CAMK4: variants seen among roughly 807,000 people sequenced by gnomAD.
CAMK4 encodes the protein calcium/calmodulin-dependent protein kinase type IV.
A neutral mutation model predicts 44.9 loss-of-function variants in CAMK4; 22 were observed. The ratio of observed to expected loss-of-function variants is 0.49; its 90% CI spans 0.35 to 0.70. CAMK4 has a LOEUF of 0.70. CAMK4 is among the 30% of genes least tolerant of loss of function. The pLI is 0.01. For missense variants in CAMK4, 498 were observed against 586.8 expected, an observed-to-expected ratio of 0.85 and a Z score of 1.56; for synonymous variants, 218 against 215.4, an observed-to-expected ratio of 1.01 and a Z score of -0.11.
chr5:111,443,265 TATATATATATATATACACACAC>T (rs1165797392), intron 5 of CAMK4, among the ~76,000 whole-genome samples: 337 of 49,042 alleles, frequency 6.9e-3, no homozygotes, highest in Middle Eastern at 0.027. Context: ...TATATATATA[TATATATATATATATACACACAC>T]ACACACACAC....
At chr5:111,369,295 C>T (rs530023619) in intron 2 of CAMK4, among the ~76,000 whole-genome samples, 27 of 152,154 alleles carry the variant, frequency 1.8e-4, no homozygotes, top group Admixed American at 2.6e-4. Flanking sequence ...AAACTCCTGG[C>T]TCCAAGTGAT....
At chr5:111,281,551 G>A (rs1751018363) in intron 1 of CAMK4, among the ~76,000 whole-genome samples, 1 of 152,116 alleles carries the variant, frequency 6.6e-6, no homozygotes, top group African/African-American at 2.4e-5. Context: ...AGGAGAAAGG[G>A]GTTAAGCCTC....
chr5:111,383,557 G>GA (rs1561453269), intron 4 of CAMK4, among the ~76,000 whole-genome samples: 2 of 151,512 alleles, frequency 1.3e-5, no homozygotes, highest in Non-Finnish European at 2.9e-5. Context: ...GTTCCATGGA[G>GA]GCAGTACAGT....
chr5:111,404,185 A>G lies in CAMK4; in HGVS notation c.459+9403A>G, dbSNP rs539624924. 2.6e-4 allele frequency among the ~76,000 whole-genome samples: 39 copies of G among 152,342 alleles called. 1 individual carries two copies. Among genetic ancestry groups the G allele is most frequent in the East Asian group, 2.1e-3 (11 of 5,184 alleles). On this transcript the variant is annotated intron_variant, in intron 5 of 10. Coordinates refer to ENST00000282356, the MANE Select transcript of CAMK4 (RefSeq NM_001744.6). ...GAATATTGATGAAGACAGTCTTAACATATGCATATTGAACAAACATGCATG... is the reference window on the plus strand; with the variant it reads ...GAATATTGATGAAGACAGTCTTAACGTATGCATATTGAACAAACATGCATG...
At chr5:111,377,273 A>T (rs1295831160) in intron 4 of CAMK4, among the ~76,000 whole-genome samples, 1 of 152,120 alleles carries the variant, frequency 6.6e-6, no homozygotes, top group East Asian at 1.9e-4. Context: ...ATATCTTAAG[A>T]AAATATTTGA....
At chr5:111,448,353 G>A (rs188596298) in intron 6 of CAMK4, among the ~76,000 whole-genome samples, 17 of 152,216 alleles carry the variant, frequency 1.1e-4, no homozygotes, top group Non-Finnish European at 1.9e-4. Context: ...GTTAATTCTC[G>A]TGTCACTGAT....
At chr5:111,370,188 T>C (rs970786012) in intron 2 of CAMK4, among the ~76,000 whole-genome samples, 19 of 152,176 alleles carry the variant, frequency 1.2e-4, no homozygotes, top group African/African-American at 4.6e-4. Context: ...AAGCAAATGA[T>C]TTTACCAGAA....
At chr5:111,232,433 T>C (rs907882003) in intron 1 of CAMK4, among the ~76,000 whole-genome samples, 5 of 152,086 alleles carry the variant, frequency 3.3e-5, no homozygotes, top group African/African-American at 4.8e-5. Flanking sequence ...GTCAGGCAGA[T>C]GGTACATTCT....
chr5:111,442,335 A>G (rs1285548125), intron 5 of CAMK4, among the ~76,000 whole-genome samples: 1 of 152,078 alleles, frequency 6.6e-6, no homozygotes, highest in East Asian at 1.9e-4. Flanking sequence ...CTCTACTAAA[A>G]ATACAAAGAA....
At chr5:111,302,539 G>C (rs1210516652) in intron 1 of CAMK4, 1 of 122,112 alleles carries the variant, frequency 8.2e-6, no homozygotes, top group Non-Finnish European at 1.7e-5. Context: ...TTTCAGACCG[G>C]CTTAAGAAAC....
chr5:111,418,178 T>C (rs1353797914), intron 5 of CAMK4, among the ~76,000 whole-genome samples: 1 of 152,166 alleles, frequency 6.6e-6, no homozygotes, highest in African/African-American at 2.4e-5. Flanking sequence ...AAGCTGGGCA[T>C]CCAGGGGAGA....
intron 7 of CAMK4, among the ~76,000 whole-genome samples, chr5:111,458,132 T>C (rs541183855): frequency 6.6e-6 from 1 of 152,196 alleles, no homozygotes; most frequent in Non-Finnish European, 1.5e-5. Flanking sequence ...TAGCCCTACT[T>C]TCTCCCTAAG....
chr5:111,469,700 G>C (rs1468955165), intron 7 of CAMK4, among the ~76,000 whole-genome samples: 1 of 152,174 alleles, frequency 6.6e-6, no homozygotes, highest in Non-Finnish European at 1.5e-5. Flanking sequence ...AGTCCCCATA[G>C]GGCAGCATAC....
chr5:111,326,683 T>TAA (rs397816033), intron 1 of CAMK4, among the ~76,000 whole-genome samples: 42 of 148,778 alleles, frequency 2.8e-4, no homozygotes, highest in African/African-American at 8.1e-4. Context: ...AAGCTATAAA[T>TAA]AAAAAAAAAG....
chr5:111,404,791 C>G (rs1430043138), intron 5 of CAMK4, among the ~76,000 whole-genome samples: 1 of 152,126 alleles, frequency 6.6e-6, no homozygotes, highest in African/African-American at 2.4e-5. Flanking sequence ...TCTCCTTGGC[C>G]AAAAGGAGGT....
In CAMK4 at chr5:111,454,092, A is replaced by G. The variant is rs181604534; in HGVS notation, c.625+4889A>G. Among the ~76,000 whole-genome samples, 359 of 152,318 alleles carry G rather than the reference A, an allele frequency of 2.4e-3. 1 individual carries two copies. The highest frequency in any genetic ancestry group is 3.0e-3 in the Non-Finnish European group (203 of 68,038). On this transcript the variant is annotated intron_variant, in intron 7 of 10. Transcript: ENST00000282356. Reference sequence around the variant, plus strand: ...TTTAAGATGTCAAAAACATCATAATATATATAAAGAAAAATTTAAAATATT... The same window carrying G: ...TTTAAGATGTCAAAAACATCATAATGTATATAAAGAAAAATTTAAAATATT...
chr5:111,470,073 C>CA (rs1755010154), intron 7 of CAMK4, among the ~76,000 whole-genome samples: 6 of 152,220 alleles, frequency 3.9e-5, no homozygotes, highest in Admixed American at 6.5e-5. Flanking sequence ...TGTGTGCATT[C>CA]GGCTCCTTGA....
At chr5:111,255,816 T>G (rs1048529319) in intron 1 of CAMK4, among the ~76,000 whole-genome samples, 1 of 152,230 alleles carries the variant, frequency 6.6e-6, no homozygotes, top group African/African-American at 2.4e-5. Flanking sequence ...CATTTCCTGC[T>G]CACCACTGTT....
At chr5:111,226,985 G>A (rs546280968) in intron 1 of CAMK4, among the ~76,000 whole-genome samples, 4 of 152,256 alleles carry the variant, frequency 2.6e-5, no homozygotes, top group African/African-American at 9.6e-5. Flanking sequence ...AGATCACAGA[G>A]TTAAACTACA....
Sources: gnomAD v4.1 joint callset for allele counts (sites outside exome capture counted in the v4.1 genomes callset) on GRCh38, gnomAD v4.1.1 for gene constraint, MANE v1.5 for transcripts, NCBI Gene and HGNC (gene_info 2026-07-23, HGNC 2026-07-21) for gene names.